Variants in FSCN2 observed in about 807,000 individuals in gnomAD.
The protein encoded by FSCN2 is fascin-2.
In FSCN2, 46 loss-of-function variants were observed where a neutral mutation model predicts 37.8. The ratio of observed to expected loss-of-function variants is 1.22; its 90% CI spans 0.96 to 1.56. The LOEUF (loss-of-function observed/expected upper bound fraction) is 1.56, where lower values mean the gene tolerates loss of function less well. FSCN2 is among the 40% of genes most tolerant of loss of function. FSCN2 has a pLI of 0.00. For synonymous variants in FSCN2, 351 were observed against 309.4 expected (o/e 1.13, Z -1.41); for missense variants, 844 against 730.4 (o/e 1.16, Z -1.79).
chr17:81,528,905 T>A lies in FSCN2; in HGVS notation c.374T>A (p.Val125Asp), dbSNP rs2032445021. The A allele has an allele frequency of 1.3e-6, 2 of 1,586,892 alleles. No homozygotes were observed. Among genetic ancestry groups the A allele is most frequent in the Non-Finnish European group, 1.7e-6 (2 of 1,170,220 alleles). Reference protein sequence around the residue: ...EDQLSCFATAVSPAELWTVHL... With the variant: ...EDQLSCFATADSPAELWTVHL... ...CAGCTGTCCTGCTTCGCCACAGCCG[T>A]TTCCCCGGCCGAGCTGTGGACCGTG... The change falls in exon 1 of 5, where the codon GTT becomes GAT. Residue 125 changes from valine to aspartate, a missense_variant. Coordinates refer to ENST00000417245, the MANE Select transcript of FSCN2 (RefSeq NM_012418.4).
chr17:81,534,257 C>A (rs890883592), intron 1 of FSCN2, among the ~76,000 whole-genome samples: 8 of 149,848 alleles, frequency 5.3e-5, no homozygotes, highest in Admixed American at 2.0e-4. Context: ...GGGATCTGGC[C>A]CCACCCTCAG....
At position 81,528,984 on chromosome 17, in the gene FSCN2, C is replaced by T. The variant is rs73367596; in HGVS notation, c.453C>T (p.Tyr151=). The stretch of plus-strand genomic sequence containing the variant: ...TGCTGAGCGTGAGCCGGCGGCGCTA[C>T]GTGCACCTGTGCCCGCGGGAGGACG... ...AHLLSVSRRR[Y]VHLCPREDEM... is the part of the protein sequence containing the mutation. The change falls in exon 1 of 5, where the codon TAC becomes TAT. Residue 151 remains tyrosine (Y), a synonymous_variant. Transcript: ENST00000417245. 4.6e-3 allele frequency: 7,219 copies of T among 1,585,506 alleles called. 165 individuals carry two copies. In the African/African-American group the frequency reaches 0.06, roughly 13 times the overall value.
rs1317315433 is a variant in FSCN2, at chr17:81,531,207, G to T, written c.826+1850G>T. Among the ~76,000 whole-genome samples, 27 of 96,454 alleles carry T rather than the reference G, an allele frequency of 2.8e-4. 1 individual carries two copies. Among genetic ancestry groups the T allele is most frequent in the African/African-American group, 1.4e-3 (27 of 19,744 alleles). 63.3% of individuals were successfully genotyped at this position (96,454 alleles called of 152,430 possible). A position where few individuals can be genotyped will look rare whatever the true frequency, so the allele number is the denominator to read the frequency against. On this transcript the variant is annotated intron_variant, in intron 1 of 4. Coordinates refer to ENST00000417245, the MANE Select transcript of FSCN2 (RefSeq NM_012418.4). ...GATGGTGGTGATGGTGGTGATGGTG[G>T]TGATGGTGGTGATGGTGATAATGGT...
chr17:81,529,656 T>G, intron 1 of FSCN2: 1 of 637,608 alleles, frequency 1.6e-6, no homozygotes, highest in Non-Finnish European at 3.0e-6. Flanking sequence ...CTGCGGAGTC[T>G]GAGACTGGAG....
the FSCN2 span, among the ~76,000 whole-genome samples, chr17:81,522,416 T>C: frequency 6.6e-6 from 1 of 152,218 alleles, no homozygotes; most frequent in African/African-American, 2.4e-5. Context: ...CGTGGCGTTG[T>C]CCCCAAGGGA....
At chr17:81,531,538 TGATGATGGTGATGGC>T (rs1568077595) in intron 1 of FSCN2, among the ~76,000 whole-genome samples, 6 of 144,852 alleles carry the variant, frequency 4.1e-5, no homozygotes, top group Non-Finnish European at 7.6e-5. Flanking sequence ...GCGATGGTGG[TGATGATGGTGATGGC>T]GATGATGGTG....
At chr17:81,528,211 C>T (rs572496159), upstream of FSCN2, among the ~76,000 whole-genome samples, 82 of 152,320 alleles carry the variant, frequency 5.4e-4, no homozygotes, top group African/African-American at 1.9e-3. Flanking sequence ...CGTAGGCCCT[C>T]AGGCCCTCGG....
intron 1 of FSCN2, 55 bp from the exon 2 acceptor site, chr17:81,534,997 C>T: frequency 7.1e-7 from 1 of 1,405,858 alleles, no homozygotes; most frequent in South Asian, 1.4e-5. Flanking sequence ...TATGCCCCCT[C>T]CCCTGCTCCC....
At chr17:81,527,405 C>A (rs1025615081), upstream of FSCN2, 1 of 152,416 alleles carries the variant, frequency 6.6e-6, no homozygotes, top group Non-Finnish European at 1.5e-5. Flanking sequence ...GGCCCCAAGC[C>A]CCTGAGGCAG....
the FSCN2 span, among the ~76,000 whole-genome samples, chr17:81,518,496 G>T: frequency 6.6e-6 from 1 of 152,258 alleles, no homozygotes; most frequent in Admixed American, 6.5e-5. Flanking sequence ...GCAGAGGAAG[G>T]CTAGGCCGAT....
chr17:81,535,514 CT>C lies in FSCN2; in HGVS notation c.983+307del, dbSNP rs2032831460. The stretch of plus-strand genomic sequence containing the variant: ...CCATCCCCATCACCACCATCCCCAT[CT>C]CCACCATCTCCATCACCATCATCAC... On this transcript the variant is annotated intron_variant, in intron 2 of 4. Coordinates refer to ENST00000417245, the MANE Select transcript of FSCN2 (RefSeq NM_012418.4). Among the ~76,000 whole-genome samples, 4 of 21,750 alleles carry C rather than the reference CT, an allele frequency of 1.8e-4. No homozygotes were observed. In the Admixed American group the frequency reaches 1.9e-3, roughly 10 times the overall value. 14.3% of individuals were successfully genotyped at this position (21,750 alleles called of 152,430 possible). A position where few individuals can be genotyped will look rare whatever the true frequency, so the allele number is the denominator to read the frequency against.
chr17:81,531,348 ATGATGG>A (rs2032569258), intron 1 of FSCN2, among the ~76,000 whole-genome samples: 2 of 25,022 alleles, frequency 8.0e-5, no homozygotes, highest in South Asian at 1.4e-3. Flanking sequence ...GGTGGTGGTG[ATGATGG>A]TGATGGTGAT....
chr17:81,532,304 AGTG>A (rs2032694280), intron 1 of FSCN2, among the ~76,000 whole-genome samples: 1 of 43,296 alleles, frequency 2.3e-5, no homozygotes, highest in Non-Finnish European at 4.3e-5. Flanking sequence ...TGATGATGAT[AGTG>A]ATGGCGATGA....
At chr17:81,526,346 G>A (rs1218536150), upstream of FSCN2, among the ~76,000 whole-genome samples, 11 of 152,224 alleles carry the variant, frequency 7.2e-5, no homozygotes, top group African/African-American at 2.2e-4. Flanking sequence ...AAAATCCAAC[G>A]GGAGGCCGGG....
the FSCN2 span, among the ~76,000 whole-genome samples, chr17:81,517,286 G>T: frequency 6.6e-6 from 1 of 152,240 alleles, no homozygotes; most frequent in African/African-American, 2.4e-5. Flanking sequence ...CTGGGAGTCG[G>T]ACACCTGGGT....
chr17:81,523,163 C>A, the FSCN2 span, among the ~76,000 whole-genome samples: 1 of 152,200 alleles, frequency 6.6e-6, no homozygotes, highest in Non-Finnish European at 1.5e-5. Flanking sequence ...AGGCGAGGCT[C>A]CGGAGCAGCC....
Position 81,536,423 on chromosome 17 carries a change from C to T in FSCN2, c.1105+156C>T, listed in dbSNP as rs1309121943. ...ATACTTGCTAGTCAAGATAACTCGTCTTGGCAAGGGAAACAGGTCTGAATG... is the reference window on the plus strand; with the variant it reads ...ATACTTGCTAGTCAAGATAACTCGTTTTGGCAAGGGAAACAGGTCTGAATG... On this transcript the variant is annotated intron_variant, in intron 3 of 4. Coordinates refer to ENST00000417245, the MANE Select transcript of FSCN2 (RefSeq NM_012418.4). 9 of 1,454,210 alleles carry T rather than the reference C, an allele frequency of 6.2e-6. No individual in the cohort carries two copies. The Admixed American group carries it at 1.7e-4, about 27-fold the overall frequency. The allele number at this position is 1,454,210 out of a possible 1,614,324, so 90.1% of individuals were successfully genotyped here. A position where few individuals can be genotyped will look rare whatever the true frequency, so the allele number is the denominator to read the frequency against.
chr17:81,535,215 G>T lies in FSCN2; in HGVS notation c.983+7G>T. On this transcript the variant is annotated splice_region_variant and intron_variant, in intron 2 of 4. Transcript: ENST00000417245. ...ACGCCACAGCCACACAAGTGTGAGT[G>T]CACACATCCCTTCCTCCTCCATCAT... 6.6e-7 allele frequency: 1 copy of T among 1,523,158 alleles called. No individual in the cohort carries two copies. The highest frequency in any genetic ancestry group is 1.4e-5 in the African/African-American group (1 of 72,500). The allele number at this position is 1,523,158 out of a possible 1,614,324, so 94.4% of individuals were successfully genotyped here.
chr17:81,532,666 A>T (rs374779558), intron 1 of FSCN2, among the ~76,000 whole-genome samples: 11,189 of 97,430 alleles, frequency 0.11, 1,339 homozygotes, highest in African/African-American at 0.33. Flanking sequence ...GTGATGATGG[A>T]GGCAATGGTG....
Sources: allele counts gnomAD v4.1 joint callset (sites outside exome capture counted in the v4.1 genomes callset), GRCh38; gene constraint gnomAD v4.1.1; transcripts MANE v1.5; gene names NCBI Gene and HGNC (gene_info 2026-07-23, HGNC 2026-07-21).